NBEAL1: variants seen among roughly 807,000 people sequenced by gnomAD.
The protein encoded by NBEAL1 is neurobeachin like 1, also known as neurobeachin-like protein 1.
In NBEAL1, 273 loss-of-function variants were observed where a neutral mutation model predicts 351.3. The ratio of observed to expected loss-of-function variants is 0.78; its 90% confidence interval spans 0.70 to 0.86. The LOEUF is 0.86. Among genes scored for constraint, NBEAL1 ranks in the 40% least tolerant of loss-of-function variants. NBEAL1 has a pLI of 0.00. For missense variants in NBEAL1, 2,961 were observed against 3,201.3 expected, an observed-to-expected ratio of 0.92 and a Z score of 1.81; for synonymous variants, 1,050 against 1,086.4, an observed-to-expected ratio of 0.97 and a Z score of 0.66.
chr2:203,185,434 G>A (rs548243662), intron 44 of NBEAL1, among the ~76,000 whole-genome samples: 182 of 152,244 alleles, frequency 1.2e-3, no homozygotes, highest in African/African-American at 4.1e-3. Flanking sequence ...TGTAGATGAC[G>A]GATTGATGGG....
Position 203,197,189 on chromosome 2 carries a change from G to T in NBEAL1, c.7039-113G>T. 3 of 580,120 alleles carry T rather than the reference G, an allele frequency of 5.2e-6. No homozygotes were observed. The South Asian group carries it at 8.4e-5, about 16-fold the overall frequency. 35.9% of individuals were successfully genotyped at this position (580,120 alleles called of 1,614,324 possible). A position where few individuals can be genotyped will look rare whatever the true frequency, so the allele number is the denominator to read the frequency against. ...TAAATTAATTGATTAGATGTTTCAA[G>T]AGAGTAAAATGATGTATCACAGGAT... On this transcript the variant is annotated intron_variant, in intron 47 of 55. Transcript: ENST00000683969.
intron 51 of NBEAL1, among the ~76,000 whole-genome samples, chr2:203,206,962 C>T (rs1334519129): frequency 2.6e-5 from 4 of 151,000 alleles, no homozygotes; most frequent in Non-Finnish European, 5.9e-5. Context: ...GCCATCCCAA[C>T]TAGGAAGTGA....
intron 3 of NBEAL1, among the ~76,000 whole-genome samples, chr2:203,043,672 T>G (rs1177752153): frequency 6.7e-6 from 1 of 150,200 alleles, no homozygotes; most frequent in East Asian, 2.0e-4. Flanking sequence ...GAGGCTGTAG[T>G]GTGCTGTGAT....
chr2:203,099,533 A>T, intron 11 of NBEAL1, 96 bp from the exon 12 acceptor site: 1 of 704,754 alleles, frequency 1.4e-6, no homozygotes. Flanking sequence ...CATGTTAAGT[A>T]ATTATTTTTT....
chr2:203,114,598 C>T (rs2062648048), intron 17 of NBEAL1, among the ~76,000 whole-genome samples: 1 of 152,108 alleles, frequency 6.6e-6, no homozygotes, highest in Admixed American at 6.6e-5. Context: ...ACAGGATGTT[C>T]AGGAGTTAAG....
chr2:203,077,766 A>G lies in NBEAL1; in HGVS notation c.613A>G (p.Ser205Gly). 1.4e-6 allele frequency: 2 copies of G among 1,439,226 alleles called. No individual in the cohort carries two copies. The allele number at this position is 1,439,226 out of a possible 1,614,324, so 89.2% of individuals were successfully genotyped here. A position where few individuals can be genotyped will look rare whatever the true frequency, so the allele number is the denominator to read the frequency against. Residue 205 changes from serine (S) to glycine (G), a missense_variant, in exon 8 of 56, where the codon AGT becomes GGT. Ser to Gly is a moderately conservative substitution (Grantham distance 56). Transcript: ENST00000683969. ...ATTATTTACAGAATGTTTTCAGGAA[A>G]GTGAACATCTCAAGGAAAGTCTTAA... ...VPFFYQCFQE[S>G]EHLKESLKCC...
At chr2:203,207,547 T>C (rs1287494321) in intron 51 of NBEAL1, among the ~76,000 whole-genome samples, 2 of 152,240 alleles carry the variant, frequency 1.3e-5, no homozygotes, top group East Asian at 3.8e-4. Flanking sequence ...CATGGGAGAC[T>C]TTTCATTTTG....
chr2:203,129,185 G>A (rs2063016048), intron 24 of NBEAL1, among the ~76,000 whole-genome samples: 1 of 151,982 alleles, frequency 6.6e-6, no homozygotes. Context: ...CTTTTTGCAT[G>A]TACGCTTTTG....
intron 7 of NBEAL1, among the ~76,000 whole-genome samples, chr2:203,076,820 G>T (rs1257110902): frequency 1.3e-5 from 2 of 151,714 alleles, no homozygotes; most frequent in Non-Finnish European, 2.9e-5. Flanking sequence ...TCGAACTCCT[G>T]ACCTCAGGTG....
chr2:203,098,712 G>C (rs1176217180), intron 11 of NBEAL1, among the ~76,000 whole-genome samples: 1 of 152,006 alleles, frequency 6.6e-6, no homozygotes, highest in African/African-American at 2.4e-5. Flanking sequence ...CAACTTTTAG[G>C]ATTAAAAGTT....
rs7573079 is a variant in NBEAL1, at chr2:203,062,828, G to A, written c.515+5375G>A. The stretch of plus-strand genomic sequence containing the variant: ...GACTTTGACAGGGAGATTAAAAAAT[G>A]GAATTAGGAGAAATCCATTGCTCAT... On this transcript the variant is annotated intron_variant, in intron 6 of 55. Transcript: ENST00000683969. The surrounding 1 kb of genome is among the most constrained non-coding windows in gnomAD (Gnocchi z 4.2). Among the ~76,000 whole-genome samples the A allele has an allele frequency of 0.43, 64,714 of 151,916 alleles. 16,155 individuals carry two copies. Among genetic ancestry groups the A allele is most frequent in the Middle Eastern group, 0.67 (196 of 294 alleles).
At chr2:203,171,704 A>C (rs1256622821) in intron 39 of NBEAL1, among the ~76,000 whole-genome samples, 1 of 150,656 alleles carries the variant, frequency 6.6e-6, no homozygotes, top group Non-Finnish European at 1.5e-5. Flanking sequence ...AAGAATTTTT[A>C]TCAAGACCTA....
At chr2:203,074,314 CTTCTTTTTTTT>C (rs2061731598) in intron 7 of NBEAL1, among the ~76,000 whole-genome samples, 2 of 110,252 alleles carry the variant, frequency 1.8e-5, no homozygotes, top group Admixed American at 2.3e-4. Flanking sequence ...TTTTTTCTTT[CTTCTTTTTTTT>C]TTTTTTTTTT....
intron 9 of NBEAL1, among the ~76,000 whole-genome samples, chr2:203,084,141 G>A (rs2061923097): frequency 6.6e-6 from 1 of 151,860 alleles, no homozygotes; most frequent in Non-Finnish European, 1.5e-5. Flanking sequence ...TCCCATGTAA[G>A]GTTGTTAAAT....
At chr2:203,174,216 C>CAAAAAAAAAAA (rs10652390) in intron 41 of NBEAL1, among the ~76,000 whole-genome samples, 1 of 24,614 alleles carries the variant, frequency 4.1e-5, no homozygotes, top group African/African-American at 1.1e-4. Flanking sequence ...TTTATACTAG[C>CAAAAAAAAAAA]AAAAAAAAAA....
In NBEAL1 at chr2:203,224,090, G is replaced by A. The variant is rs2065983202; in HGVS notation, c.*6736G>A. ...TTAGATGACTTTTTAGCAATTTAATGATAATAATTTCTATTTTTCTTCCAA... is the reference window on the plus strand; with the variant it reads ...TTAGATGACTTTTTAGCAATTTAATAATAATAATTTCTATTTTTCTTCCAA... On this transcript the variant is annotated 3_prime_UTR_variant, in exon 56 of 56. Transcript: ENST00000683969. Among the ~76,000 whole-genome samples, 1 of 151,966 alleles carries A rather than the reference G, an allele frequency of 6.6e-6. No homozygotes were observed. The highest frequency in any genetic ancestry group is 1.5e-5 in the Non-Finnish European group (1 of 67,888).
At chr2:203,038,729 A>G (rs1222752317) in intron 2 of NBEAL1, among the ~76,000 whole-genome samples, 3 of 148,668 alleles carry the variant, frequency 2.0e-5, no homozygotes, top group Non-Finnish European at 4.5e-5. Context: ...GGCATGTGTC[A>G]CTCAGTGGCA....
intron 46 of NBEAL1, among the ~76,000 whole-genome samples, chr2:203,193,495 T>G (rs370871955): frequency 1.3e-5 from 2 of 151,740 alleles, no homozygotes; most frequent in South Asian, 2.1e-4. Flanking sequence ...TAGAAAGAAA[T>G]AAATTATAAT....
At chr2:203,076,667 C>T (rs1349479475) in intron 7 of NBEAL1, among the ~76,000 whole-genome samples, 1 of 145,816 alleles carries the variant, frequency 6.9e-6, no homozygotes, top group Non-Finnish European at 1.5e-5. Context: ...TCTCAGCTCA[C>T]TGCAACCTCT....
Sources: allele counts gnomAD v4.1 joint callset (sites outside exome capture counted in the v4.1 genomes callset), GRCh38; gene constraint gnomAD v4.1.1; non-coding constraint Gnocchi (gnomAD v3.1); transcripts MANE v1.5; gene names NCBI Gene and HGNC (gene_info 2026-07-23, HGNC 2026-07-21).